Variants in TRAPPC9 observed in about 807,000 individuals in gnomAD.
TRAPPC9 encodes the protein trafficking protein particle complex subunit 9.
Under a neutral mutation model 124.0 loss-of-function variants are expected in TRAPPC9, and 83 were observed. The ratio of observed to expected loss-of-function variants is 0.67; its 90% CI spans 0.56 to 0.80. TRAPPC9 has a LOEUF of 0.80. Among genes scored for constraint, TRAPPC9 ranks in the 30% least tolerant of loss-of-function variants. The pLI, the probability that TRAPPC9 is intolerant of heterozygous loss-of-function variation, is 0.00. For synonymous variants in TRAPPC9, 638 were observed against 617.5 expected, an observed-to-expected ratio of 1.03 and a Z score of -0.49; for missense variants, 1,302 against 1,508.3, an observed-to-expected ratio of 0.86 and a Z score of 2.27.
chr8:139,919,150 G>T (rs1003651060), intron 19 of TRAPPC9, among the ~76,000 whole-genome samples: 10 of 152,228 alleles, frequency 6.6e-5, no homozygotes, highest in Non-Finnish European at 1.5e-4. Flanking sequence ...ATTCGGGAAG[G>T]GGTGCTGTGC....
chr8:139,803,474 T>C (rs1185602249), intron 21 of TRAPPC9, among the ~76,000 whole-genome samples: 6 of 152,302 alleles, frequency 3.9e-5, no homozygotes, highest in Non-Finnish European at 8.8e-5. Context: ...CTCCAGACAG[T>C]GCAACTGCAG....
chr8:139,985,941 T>C (rs114827994), intron 19 of TRAPPC9, among the ~76,000 whole-genome samples: 1,615 of 152,304 alleles, frequency 0.011, 29 homozygotes, highest in African/African-American at 0.037. Flanking sequence ...GAACCACTTA[T>C]GCCATTGAAA....
intron 17 of TRAPPC9, among the ~76,000 whole-genome samples, chr8:140,203,303 A>T (rs1374474883): frequency 1.3e-5 from 2 of 152,266 alleles, no homozygotes; most frequent in African/African-American, 4.8e-5. Flanking sequence ...TGAGTGATAT[A>T]CACTCTGGCT....
At chr8:139,948,248 AACACACACACACACACACACACACACAC>A (rs141771160) in intron 19 of TRAPPC9, among the ~76,000 whole-genome samples, 2 of 144,620 alleles carry the variant, frequency 1.4e-5, no homozygotes, top group East Asian at 2.1e-4. Context: ...TGGTTCATAA[AACACACACACACACACACACACACACAC>A]ACACACACAC....
chr8:140,237,150 T>C (rs1226873192), intron 16 of TRAPPC9, among the ~76,000 whole-genome samples: 1 of 151,904 alleles, frequency 6.6e-6, no homozygotes, highest in Non-Finnish European at 1.5e-5. Context: ...CACTGCACTC[T>C]GGCCTAGGCG....
At chr8:139,802,829 A>G (rs745898375) in intron 21 of TRAPPC9, among the ~76,000 whole-genome samples, 86 of 152,146 alleles carry the variant, frequency 5.7e-4, no homozygotes, top group Non-Finnish European at 9.6e-4. Flanking sequence ...TGTGAAGTGT[A>G]TGTGTCACGT....
At chr8:139,760,927 CAG>C (rs1254212816) in intron 21 of TRAPPC9, among the ~76,000 whole-genome samples, 1 of 152,188 alleles carries the variant, frequency 6.6e-6, no homozygotes, top group East Asian at 1.9e-4. Flanking sequence ...GGTGGGGACA[CAG>C]AGCCAAACCA....
intron 17 of TRAPPC9, among the ~76,000 whole-genome samples, chr8:140,167,851 A>T (rs1228274256): frequency 6.6e-6 from 1 of 152,236 alleles, no homozygotes; most frequent in Non-Finnish European, 1.5e-5. Context: ...TCGATGATTA[A>T]CTGAAGGGAA....
intron 17 of TRAPPC9, among the ~76,000 whole-genome samples, chr8:140,122,988 A>T (rs1294673163): frequency 1.3e-5 from 2 of 152,124 alleles, no homozygotes; most frequent in Non-Finnish European, 2.9e-5. Context: ...GGTCCTATAC[A>T]TTTTTATTTT....
intron 18 of TRAPPC9, among the ~76,000 whole-genome samples, chr8:140,014,350 T>A (rs1410643537): frequency 6.6e-6 from 1 of 152,124 alleles, no homozygotes; most frequent in Non-Finnish European, 1.5e-5. Flanking sequence ...CAGGCAGCTC[T>A]GTGTAAAAAG....
At chr8:140,403,554 A>G (rs2069356244) in intron 6 of TRAPPC9, among the ~76,000 whole-genome samples, 1 of 152,224 alleles carries the variant, frequency 6.6e-6, no homozygotes, top group Non-Finnish European at 1.5e-5. Context: ...CTGTATTGGC[A>G]AATATTTTTC....
At chr8:139,827,729 T>C (rs1251168063) in intron 21 of TRAPPC9, among the ~76,000 whole-genome samples, 1 of 152,198 alleles carries the variant, frequency 6.6e-6, no homozygotes, top group Non-Finnish European at 1.5e-5. Flanking sequence ...AGGCTGTTCT[T>C]GCATTGCTAT....
chr8:140,381,949 G>T (rs1283877833), intron 7 of TRAPPC9, among the ~76,000 whole-genome samples: 1 of 152,164 alleles, frequency 6.6e-6, no homozygotes, highest in African/African-American at 2.4e-5. Context: ...ATACCCAAGA[G>T]AACTGAAAAT....
At chr8:139,887,015 C>T (rs981630014) in intron 20 of TRAPPC9, among the ~76,000 whole-genome samples, 2 of 152,092 alleles carry the variant, frequency 1.3e-5, no homozygotes, top group East Asian at 3.9e-4. Flanking sequence ...GAGTCGGGCT[C>T]AGAGGTGCTC....
intron 17 of TRAPPC9, among the ~76,000 whole-genome samples, chr8:140,128,199 A>C (rs1270695334): frequency 6.6e-6 from 1 of 152,272 alleles, no homozygotes; most frequent in African/African-American, 2.4e-5. Context: ...AATTCAGATC[A>C]CCATAGAACA....
At chr8:139,822,267 C>T (rs77249150) in intron 21 of TRAPPC9, among the ~76,000 whole-genome samples, 9,760 of 152,252 alleles carry the variant, frequency 0.064, 353 homozygotes, top group South Asian at 0.08. Context: ...ACCTGGAAGA[C>T]GGCATGACCC....
rs570730297 is a variant in TRAPPC9, at chr8:140,052,520, GCCTGTAATC to G, written c.2557-28450_2557-28442del. On this transcript the variant is annotated intron_variant, in intron 17 of 22. Transcript: ENST00000438773. ...GTCAGGGCTGGGTGTGGTGGCTCAT[GCCTGTAATC>G]CCAGCACTTTGGGAGGCCAAGGTGG... is the stretch of plus-strand genomic sequence containing the variant. 2.4e-4 allele frequency among the ~76,000 whole-genome samples: 36 copies of G among 152,194 alleles called. No homozygotes were observed. In the South Asian group the frequency reaches 7.5e-3, roughly 32 times the overall value.
intron 21 of TRAPPC9, among the ~76,000 whole-genome samples, chr8:139,859,320 G>A (rs567306811): frequency 1.4e-4 from 22 of 152,160 alleles, no homozygotes; most frequent in African/African-American, 3.9e-4. Context: ...CCCAGCCTGC[G>A]CTTCCATTTT....
chr8:140,333,671 G>T (rs549982186), intron 9 of TRAPPC9, among the ~76,000 whole-genome samples: 1 of 152,204 alleles, frequency 6.6e-6, no homozygotes, highest in Non-Finnish European at 1.5e-5. Context: ...GATTACAGGC[G>T]TAAGCCACCG....
Sources: allele counts gnomAD v4.1 joint callset (sites outside exome capture counted in the v4.1 genomes callset), GRCh38; gene constraint gnomAD v4.1.1; transcripts MANE v1.5; gene names NCBI Gene and HGNC (gene_info 2026-07-23, HGNC 2026-07-21).